Variants in FNDC1 observed in about 807,000 individuals in gnomAD.
FNDC1 encodes fibronectin type III domain containing 1.
Under a neutral mutation model 168.0 loss-of-function variants are expected in FNDC1, and 96 were observed. The ratio of observed to expected loss-of-function variants is 0.57; its 90% confidence interval spans 0.48 to 0.68. The LOEUF (loss-of-function observed/expected upper bound fraction) is 0.68. Among genes scored for constraint, FNDC1 ranks in the 30% least tolerant of loss-of-function variants. The pLI is 0.00. For synonymous variants in FNDC1, 1,099 were observed against 1,025.9 expected (o/e 1.07, Z -1.36); for missense variants, 2,587 against 2,482.1 (o/e 1.04, Z -0.90).
chr6:159,251,772 C>G (rs1395331699), intron 17 of FNDC1, among the ~76,000 whole-genome samples: 1 of 152,158 alleles, frequency 6.6e-6, no homozygotes, highest in African/African-American at 2.4e-5. Context: ...AATCCGCGTC[C>G]CAGATTGATT....
At chr6:159,263,396 T>C (rs1374653170) in intron 19 of FNDC1, among the ~76,000 whole-genome samples, 3 of 152,174 alleles carry the variant, frequency 2.0e-5, no homozygotes, top group African/African-American at 7.2e-5. Context: ...AACAGCAATT[T>C]ACTGTATGAT....
chr6:159,234,632 C>T (rs1228316597), intron 11 of FNDC1, among the ~76,000 whole-genome samples, 153 bp downstream of exon 11: 1 of 152,250 alleles, frequency 6.6e-6, no homozygotes, highest in Non-Finnish European at 1.5e-5. Flanking sequence ...ATCCTCTGAA[C>T]GGTCCCTAGG....
chr6:159,176,265 G>T (rs73799315), intron 1 of FNDC1, among the ~76,000 whole-genome samples: 3,611 of 152,194 alleles, frequency 0.024, 116 homozygotes, highest in African/African-American at 0.081. Flanking sequence ...ATTTGAAGGA[G>T]GTCCATTCAT....
intron 4 of FNDC1, among the ~76,000 whole-genome samples, chr6:159,211,618 T>C (rs1014075984): frequency 1.3e-5 from 2 of 152,186 alleles, no homozygotes; most frequent in African/African-American, 4.8e-5. Flanking sequence ...AGCTCTGTGA[T>C]ACATTCACGG....
rs765290232 is a variant in FNDC1 at position 159,226,523 on chromosome 6, C to G, written c.1123C>G (p.Pro375Ala). The change falls in exon 9 of 23, where the codon CCT becomes GCT. Residue 375 changes from proline (P) to alanine (A), a missense_variant. By Grantham distance (27) the Pro-to-Ala change is conservative. Transcript: ENST00000297267. ...GAACGTCTGGCCAGTCAATGGCAAA[C>G]CTACAGTTGTCGCTGCATCTTGGGA... ...NLNVWPVNGK[P>A]TVVAASWDAL... 5 of 1,612,170 alleles carry G rather than the reference C, an allele frequency of 3.1e-6. No homozygotes were observed. The Admixed American group carries it at 8.4e-5, about 27-fold the overall frequency.
rs73799734 is a variant in FNDC1, at chr6:159,254,041, A to G, written c.5066-2482A>G. Among the ~76,000 whole-genome samples the G allele has an allele frequency of 5.2e-3, 796 of 152,320 alleles. 6 individuals are homozygous for G. The highest frequency in any genetic ancestry group is 0.018 in the African/African-American group (749 of 41,570). On this transcript the variant is annotated intron_variant, in intron 17 of 22. Coordinates refer to ENST00000297267, the MANE Select transcript of FNDC1 (RefSeq NM_032532.3). Reference sequence around the variant, plus strand: ...AAGTTCAATGACTCTCCTCTAGGGAACAGTGTGGGGAGGGCTCCAGGGTCC... The same window carrying G: ...AAGTTCAATGACTCTCCTCTAGGGAGCAGTGTGGGGAGGGCTCCAGGGTCC...
At chr6:159,177,523 G>T (rs927591641) in intron 1 of FNDC1, among the ~76,000 whole-genome samples, 4 of 152,118 alleles carry the variant, frequency 2.6e-5, no homozygotes, top group Admixed American at 2.6e-4. Flanking sequence ...CCCTAGCCAG[G>T]CAGGGGAGGG....
intron 22 of FNDC1, among the ~76,000 whole-genome samples, chr6:159,269,331 A>G: frequency 1.0e-5 from 1 of 98,258 alleles, no homozygotes; most frequent in Admixed American, 1.2e-4. Context: ...CTAACTATCT[A>G]TCTATCTATC....
At chr6:159,269,514 G>GCATCCATCTATCCATCCATCCATCCATC (rs1374245268) in intron 22 of FNDC1, among the ~76,000 whole-genome samples, 4 of 86,006 alleles carry the variant, frequency 4.7e-5, no homozygotes, top group African/African-American at 1.8e-4. Flanking sequence ...ATCCATCCAT[G>GCATCCATCTATCCATCCATCCATCCATC]CATCCATCCA....
intron 19 of FNDC1, among the ~76,000 whole-genome samples, chr6:159,263,458 A>G (rs1777530743): frequency 6.6e-6 from 1 of 152,190 alleles, no homozygotes; most frequent in East Asian, 1.9e-4. Context: ...AGTTCGTGGC[A>G]TTTTATAAAA....
chr6:159,222,743 G>A (rs1782857231), intron 6 of FNDC1, among the ~76,000 whole-genome samples: 1 of 152,172 alleles, frequency 6.6e-6, no homozygotes, highest in South Asian at 2.1e-4. Context: ...AACCCAATGT[G>A]AATCTTGCAG....
At chr6:159,236,343 G>A (rs372818994) in intron 12 of FNDC1, 28 bp downstream of exon 12, 59 of 1,486,874 alleles carry the variant, frequency 4.0e-5, no homozygotes, top group Non-Finnish European at 5.0e-5. Flanking sequence ...ACACATCCCC[G>A]TTGTTTTCAT....
At chr6:159,226,658 A>C (rs1016089942) in intron 9 of FNDC1, 78 bp downstream of exon 9, 2 of 1,120,980 alleles carry the variant, frequency 1.8e-6, no homozygotes, top group Admixed American at 5.1e-5. Context: ...TTGTTGACTG[A>C]AAAAGAAATA....
chr6:159,185,067 TG>T (rs61164680), intron 1 of FNDC1, among the ~76,000 whole-genome samples: 1,104 of 66,842 alleles, frequency 0.017, 13 homozygotes, highest in African/African-American at 0.04. Context: ...ATATGGAGGG[TG>T]GGGGGGGGGG....
intron 17 of FNDC1, among the ~76,000 whole-genome samples, chr6:159,256,256 G>A (rs537430109): frequency 2.6e-5 from 4 of 152,264 alleles, no homozygotes; most frequent in Admixed American, 6.5e-5. Context: ...GTTCTGAGGC[G>A]ATGGGGAAGG....
rs544425804 is a variant in FNDC1 at position 159,169,769 on chromosome 6, C to T, written c.109+64C>T. On this transcript the variant is annotated intron_variant, in intron 1 of 22. Transcript: ENST00000297267. The surrounding 1 kb of genome is among the most constrained non-coding windows in gnomAD (Gnocchi z 6.8). ...CCCGCGCACCCTCCTGCGCTCGGGC[C>T]CCGTCGTCCCGCTCAGTGCTGGCTA... 307 of 606,942 alleles carry T rather than the reference C, an allele frequency of 5.1e-4. 2 individuals carry two copies. In the African/African-American group the frequency reaches 5.4e-3, roughly 11 times the overall value. The allele number at this position is 606,942 out of a possible 1,614,324, so 37.6% of individuals were successfully genotyped here.
At chr6:159,261,144 A>T in intron 18 of FNDC1, 46 bp from the exon 19 acceptor site, 2 of 1,474,284 alleles carry the variant, frequency 1.4e-6, no homozygotes, top group East Asian at 2.3e-5. Context: ...GTTACACAGA[A>T]ATCAAATACA....
Position 159,233,582 on chromosome 6 carries a change from G to A in FNDC1, c.3070G>A (p.Ala1024Thr), listed in dbSNP as rs1783158329. 1 of 1,585,342 alleles carries A rather than the reference G, an allele frequency of 6.3e-7. No individual in the cohort carries two copies. The highest frequency in any genetic ancestry group is 8.6e-7 in the Non-Finnish European group (1 of 1,169,304). The change falls in exon 11 of 23, where the codon GCG becomes ACG. Residue 1024 changes from alanine (A) to threonine (T), a missense_variant. Transcript: ENST00000297267. This position sits in a 1 kb window ranked among gnomAD's most constrained non-coding sequence, Gnocchi z 4.6. The part of the protein sequence containing the change: ...QHHPGPQSRD[A>T]GRSPSQPRLS... ...CCACCCGGGACCCCAGAGCAGAGACGCGGGTCGGTCACCTTCCCAGCCCAG... is the reference window on the plus strand; with the variant it reads ...CCACCCGGGACCCCAGAGCAGAGACACGGGTCGGTCACCTTCCCAGCCCAG...
At chr6:159,252,240 G>A (rs1777283416) in intron 17 of FNDC1, among the ~76,000 whole-genome samples, 1 of 152,176 alleles carries the variant, frequency 6.6e-6, no homozygotes, top group South Asian at 2.1e-4. Context: ...CTGGGCCTCT[G>A]AGCTGTGTAA....
Sources: allele counts gnomAD v4.1 joint callset (sites outside exome capture counted in the v4.1 genomes callset), GRCh38; gene constraint gnomAD v4.1.1; non-coding constraint Gnocchi (gnomAD v3.1); transcripts MANE v1.5; gene names NCBI Gene and HGNC (gene_info 2026-07-23, HGNC 2026-07-21).